CDYL: variants seen among roughly 807,000 people sequenced by gnomAD.
The protein encoded by CDYL is chromodomain Y-like protein.
CDYL carries 8 observed loss-of-function variants against 47.3 expected under a neutral mutation model. That is an observed-to-expected ratio of 0.17 (90% confidence interval 0.10 to 0.31). CDYL has a LOEUF of 0.31. Ranked by LOEUF, CDYL falls within the 10% of genes least tolerant of loss-of-function variation. The pLI is 1.00. For synonymous variants in CDYL, 266 were observed against 265.0 expected, an observed-to-expected ratio of 1.00 and a Z score of -0.04; for missense variants, 471 against 701.4, an observed-to-expected ratio of 0.67 and a Z score of 3.71.
intron 1 of CDYL, among the ~76,000 whole-genome samples, chr6:4,830,972 A>G (rs576211503): frequency 6.6e-6 from 1 of 152,084 alleles, no homozygotes; most frequent in Admixed American, 6.5e-5. Context: ...CATGGTGTAT[A>G]TGTGCCACAT....
intron 1 of CDYL, among the ~76,000 whole-genome samples, chr6:4,888,020 A>C (rs1428282819): frequency 6.6e-6 from 1 of 152,078 alleles, no homozygotes; most frequent in Admixed American, 6.5e-5. Flanking sequence ...CACATATTAA[A>C]CCAGCCTTGC....
At chr6:4,862,142 C>G (rs531736772) in intron 1 of CDYL, among the ~76,000 whole-genome samples, 140 of 152,266 alleles carry the variant, frequency 9.2e-4, no homozygotes, top group African/African-American at 3.0e-3. Flanking sequence ...GCTGTTTTAA[C>G]GTCCTACGTA....
intron 2 of CDYL, among the ~76,000 whole-genome samples, chr6:4,900,789 A>ATG (rs1360137664): frequency 2.2e-5 from 1 of 46,274 alleles, no homozygotes; most frequent in Non-Finnish European, 4.2e-5. Context: ...GTATATATAT[A>ATG]TATATATATA....
chr6:4,907,250 C>T (rs1757266421), intron 2 of CDYL, among the ~76,000 whole-genome samples: 1 of 152,214 alleles, frequency 6.6e-6, no homozygotes, highest in Non-Finnish European at 1.5e-5. Flanking sequence ...GAAAACAGAC[C>T]ACCCTGCTGC....
chr6:4,847,954 C>T lies in CDYL; in HGVS notation c.25-43759C>T, dbSNP rs113291698. Among the ~76,000 whole-genome samples the T allele has an allele frequency of 1.9e-3, 288 of 152,208 alleles. 2 individuals carry two copies. Among genetic ancestry groups the T allele is most frequent in the Non-Finnish European group, 3.3e-3 (222 of 68,010 alleles). On this transcript the variant is annotated intron_variant, in intron 1 of 6. Coordinates refer to ENST00000397588, the MANE Select transcript of CDYL (RefSeq NM_004824.4). ...TAAGGTTGGTTAGAAAAAAGATGTG[C>T]GAAAGCTTTCCTGAGGGTTTTTGCC...
intron 1 of CDYL, among the ~76,000 whole-genome samples, chr6:4,830,598 A>AT (rs1387624258): frequency 1.3e-5 from 2 of 150,438 alleles, no homozygotes; most frequent in Non-Finnish European, 1.5e-5. Flanking sequence ...ATTTATTTTA[A>AT]TTTTTTATTT....
intron 2 of CDYL, among the ~76,000 whole-genome samples, chr6:4,716,560 CTG>C (rs766851670): frequency 1.6e-4 from 24 of 146,732 alleles, no homozygotes; most frequent in Middle Eastern, 3.6e-3. Context: ...ACCCTACACT[CTG>C]TGTTTACAAG....
At chr6:4,795,688 CTT>C (rs1340331308) in intron 1 of CDYL, among the ~76,000 whole-genome samples, 2 of 150,704 alleles carry the variant, frequency 1.3e-5, no homozygotes, top group Non-Finnish European at 3.0e-5. Context: ...TACCTTTTCT[CTT>C]AGAGGTATTT....
intron 1 of CDYL, among the ~76,000 whole-genome samples, chr6:4,833,585 A>G (rs1760209792): frequency 6.7e-6 from 1 of 149,194 alleles, no homozygotes; most frequent in Non-Finnish European, 1.5e-5. Flanking sequence ...GATGTCTATT[A>G]GGTCTGCTTG....
intron 3 of CDYL, 48 bp downstream of exon 3, chr6:4,935,819 T>C: frequency 1.9e-6 from 3 of 1,605,598 alleles, no homozygotes; most frequent in Non-Finnish European, 2.6e-6. Flanking sequence ...TCTCCCTGCC[T>C]GATTTCCAGG....
At chr6:4,800,292 T>C (rs1759186876) in intron 1 of CDYL, among the ~76,000 whole-genome samples, 1 of 152,206 alleles carries the variant, frequency 6.6e-6, no homozygotes. Context: ...CTGTTGGTTT[T>C]CTAGCTATAT....
intron 1 of CDYL, among the ~76,000 whole-genome samples, chr6:4,835,018 A>G (rs1370193855): frequency 6.6e-6 from 1 of 152,070 alleles, no homozygotes; most frequent in African/African-American, 2.4e-5. Flanking sequence ...CTTTGGTTTG[A>G]ATTTCCTCCT....
chr6:4,750,855 C>CTTT (rs1445301601), intron 3 of CDYL, among the ~76,000 whole-genome samples: 2 of 134,440 alleles, frequency 1.5e-5, no homozygotes, highest in African/African-American at 2.7e-5. Flanking sequence ...TTTTTCTTTT[C>CTTT]TTTTTTTTTT....
intron 2 of CDYL, among the ~76,000 whole-genome samples, chr6:4,896,014 C>T (rs6916467): frequency 0.83 from 126,796 of 152,160 alleles, 56,735 homozygotes; most frequent in Non-Finnish European, 0.99. Flanking sequence ...CATTTTTCTC[C>T]AAAGCTATGA....
At chr6:4,912,163 G>C (rs951422694) in intron 2 of CDYL, among the ~76,000 whole-genome samples, 10 of 152,228 alleles carry the variant, frequency 6.6e-5, no homozygotes, top group Non-Finnish European at 1.2e-4. Context: ...TCCCTGGTGG[G>C]AGTGGCTCCC....
intron 1 of CDYL, among the ~76,000 whole-genome samples, chr6:4,857,976 G>T (rs1189487258): frequency 6.6e-6 from 1 of 152,092 alleles, no homozygotes; most frequent in Non-Finnish European, 1.5e-5. Context: ...TATCCTTTCA[G>T]CCTAAAGGTT....
chr6:4,916,757 T>C (rs1373486703), intron 2 of CDYL, among the ~76,000 whole-genome samples: 1 of 152,250 alleles, frequency 6.6e-6, no homozygotes, highest in African/African-American at 2.4e-5. Context: ...AGCCTGTTTC[T>C]CTCTAAAATA....
intron 1 of CDYL, among the ~76,000 whole-genome samples, chr6:4,834,545 A>G (rs1347948419): frequency 1.3e-5 from 2 of 148,512 alleles, no homozygotes; most frequent in Non-Finnish European, 3.0e-5. Flanking sequence ...TCTGACAATT[A>G]TGTGTCTTGG....
chr6:4,707,122 A>G (rs1314367381), intron 1 of CDYL, among the ~76,000 whole-genome samples: 1 of 152,308 alleles, frequency 6.6e-6, no homozygotes, highest in Non-Finnish European at 1.5e-5. Context: ...AGAGGTATAC[A>G]TTGCACACAA....
Sources: allele counts gnomAD v4.1 joint callset (sites outside exome capture counted in the v4.1 genomes callset), GRCh38; gene constraint gnomAD v4.1.1; transcripts MANE v1.5; gene names NCBI Gene and HGNC (gene_info 2026-07-23, HGNC 2026-07-21).